ANO3: variants seen among roughly 807,000 people sequenced by gnomAD.
ANO3 encodes the protein anoctamin-3.
Under a neutral mutation model 144.8 loss-of-function variants are expected in ANO3, and 99 were observed. The ratio of observed to expected loss-of-function variants is 0.68; its 90% CI spans 0.58 to 0.81. ANO3 has a LOEUF of 0.81. Among genes scored for constraint, ANO3 ranks in the 30% least tolerant of loss-of-function variants. The probability of loss-of-function intolerance (pLI) is 0.00; values close to 1 mark genes in which losing one functional copy is unlikely to be tolerated. For synonymous variants in ANO3, 414 were observed against 392.6 expected, an observed-to-expected ratio of 1.05 and a Z score of -0.64; for missense variants, 905 against 1,202.2, an observed-to-expected ratio of 0.75 and a Z score of 3.66.
At chr11:26,497,725 G>T (rs1223818585) in intron 4 of ANO3, among the ~76,000 whole-genome samples, 1 of 152,016 alleles carries the variant, frequency 6.6e-6, no homozygotes, top group Non-Finnish European at 1.5e-5. Context: ...AAGGGAAAGT[G>T]TGGCATTTAT....
At position 26,537,438 on chromosome 11, in the gene ANO3, A is replaced by C; in HGVS notation, c.1009A>C (p.Ile337Leu). ...IRKLINNGSYIAAFPPHEGAY... is the reference protein window; with the variant it reads ...IRKLINNGSYLAAFPPHEGAY... Reference sequence around the variant, plus strand: ...TAAACTTATAAACAATGGCTCATACATAGCAGCGTTTCCACCACATGAGGT... The same window carrying C: ...TAAACTTATAAACAATGGCTCATACCTAGCAGCGTTTCCACCACATGAGGT... The change falls in exon 10 of 27, where the codon ATA (isoleucine) becomes CTA (leucine). Residue 337 changes from isoleucine (I) to leucine (L), a missense_variant. By Grantham distance (5) the Ile-to-Leu change is conservative (BLOSUM62 2). This residue lies in a region of ANO3 where 597 missense variants were observed against 865.1 expected (regional missense o/e 0.69). Transcript: ENST00000256737. The C allele has an allele frequency of 2.5e-6, 4 of 1,613,984 alleles. No homozygotes were observed. Among genetic ancestry groups the C allele is most frequent in the Non-Finnish European group, 3.4e-6 (4 of 1,179,804 alleles).
Position 26,355,562 on chromosome 11 carries a change from C to CT in ANO3, c.46+23244dup, listed in dbSNP as rs754279801. 3.8e-3 allele frequency among the ~76,000 whole-genome samples: 516 copies of CT among 135,410 alleles called. 3 individuals carry two copies. The highest frequency in any genetic ancestry group is 7.3e-3 in the Middle Eastern group (2 of 274). The allele number at this position is 135,410 out of a possible 152,430, so 88.8% of individuals were successfully genotyped here. On this transcript the variant is annotated intron_variant, in intron 1 of 26. Coordinates refer to ENST00000256737, the MANE Select transcript of ANO3 (RefSeq NM_031418.4). ...TATCCTGAAATTTCTTTCTTTCTTT[C>CT]TTTCTTTTTTTTTTGAGATGAAGTT...
intron 1 of ANO3, among the ~76,000 whole-genome samples, chr11:26,283,221 T>G (rs1296861385): frequency 6.7e-6 from 1 of 150,276 alleles, no homozygotes; most frequent in Non-Finnish European, 1.5e-5. Context: ...GCATGTCACA[T>G]TTTTTCGTGT....
chr11:26,632,686 G>A (rs1276444578), intron 18 of ANO3, among the ~76,000 whole-genome samples: 2 of 151,504 alleles, frequency 1.3e-5, no homozygotes, highest in Non-Finnish European at 2.9e-5. Flanking sequence ...TCAGGCACTT[G>A]ATACATTGAC....
At chr11:26,354,082 G>A (rs1185972060) in intron 1 of ANO3, among the ~76,000 whole-genome samples, 1 of 152,098 alleles carries the variant, frequency 6.6e-6, no homozygotes, top group Admixed American at 6.5e-5. Context: ...GGCCATAAAA[G>A]ATATTTTGCT....
At chr11:26,337,688 C>G (rs114051965) in intron 1 of ANO3, among the ~76,000 whole-genome samples, 1 of 152,042 alleles carries the variant, frequency 6.6e-6, no homozygotes, top group African/African-American at 2.4e-5. Flanking sequence ...AATTATGGCT[C>G]ACTTTGGGAG....
chr11:26,530,565 A>AAC, intron 7 of ANO3, among the ~76,000 whole-genome samples: 1 of 151,320 alleles, frequency 6.6e-6, no homozygotes, highest in East Asian at 1.9e-4. Flanking sequence ...TAAAAAAAAA[A>AAC]AAACTCTCTT....
intron 3 of ANO3, among the ~76,000 whole-genome samples, chr11:26,445,997 A>G (rs1323427432): frequency 6.6e-6 from 1 of 151,922 alleles, no homozygotes; most frequent in Admixed American, 6.6e-5. Context: ...ACACCCAGCT[A>G]ATTTTTGTAT....
chr11:26,566,262 A>T (rs902126440), intron 14 of ANO3, among the ~76,000 whole-genome samples: 16 of 152,022 alleles, frequency 1.1e-4, no homozygotes, highest in East Asian at 1.9e-4. Flanking sequence ...ATAACATTTT[A>T]AAAATATTGT....
At position 26,359,353 on chromosome 11, in the gene ANO3, T is replaced by C. The variant is rs543364375; in HGVS notation, c.46+27032T>C. Reference sequence around the variant, plus strand: ...CTCATGAATCTTCAGTGCTCCTAGTTTGCCTAATTGGAAAAGGCAGTATTC... The same window carrying C: ...CTCATGAATCTTCAGTGCTCCTAGTCTGCCTAATTGGAAAAGGCAGTATTC... On this transcript the variant is annotated intron_variant, in intron 1 of 26. Coordinates refer to ENST00000256737, the MANE Select transcript of ANO3 (RefSeq NM_031418.4). 1.1e-4 allele frequency among the ~76,000 whole-genome samples: 16 copies of C among 152,278 alleles called. 1 individual carries two copies. In the South Asian group the frequency reaches 3.3e-3, roughly 32 times the overall value.
intron 8 of ANO3, 119 bp downstream of exon 8, chr11:26,531,455 TG>T (rs1037023538): frequency 8.6e-7 from 1 of 1,163,248 alleles, no homozygotes; most frequent in African/African-American, 1.6e-5. Flanking sequence ...AACTTATCAT[TG>T]TATTAAAATA....
chr11:26,457,006 A>G (rs1281564062), intron 3 of ANO3, among the ~76,000 whole-genome samples: 4 of 149,274 alleles, frequency 2.7e-5, no homozygotes, highest in Non-Finnish European at 5.9e-5. Context: ...ATTCTCACTC[A>G]TAGGTGGGAA....
chr11:26,426,121 G>T (rs1456520199), intron 1 of ANO3, among the ~76,000 whole-genome samples: 64 of 151,992 alleles, frequency 4.2e-4, no homozygotes, highest in Non-Finnish European at 1.3e-4. Context: ...GTCTGTAAAT[G>T]GGTGCACTCA....
At chr11:26,547,645 G>A in intron 12 of ANO3, 95 bp downstream of exon 12, 1 of 1,166,406 alleles carries the variant, frequency 8.6e-7, no homozygotes, top group Non-Finnish European at 1.2e-6. Context: ...TCAAATGGTT[G>A]ATGATACTAC....
At chr11:26,243,994 G>A (rs943317144) in intron 1 of ANO3, among the ~76,000 whole-genome samples, 4 of 151,786 alleles carry the variant, frequency 2.6e-5, no homozygotes, top group African/African-American at 9.7e-5. Context: ...GGAGGTGTCT[G>A]TAGTCCCAGC....
At chr11:26,480,803 G>T (rs1201161602) in intron 4 of ANO3, among the ~76,000 whole-genome samples, 3 of 150,064 alleles carry the variant, frequency 2.0e-5, no homozygotes, top group Non-Finnish European at 4.5e-5. Context: ...GTGAGACCCT[G>T]TCTCAAAAAC....
chr11:26,293,926 G>T (rs550591934), intron 1 of ANO3, among the ~76,000 whole-genome samples: 1 of 152,238 alleles, frequency 6.6e-6, no homozygotes, highest in African/African-American at 2.4e-5. Context: ...TTGTAACTAG[G>T]ATTTGGGTGT....
chr11:26,348,344 C>T (rs969349438), intron 1 of ANO3, among the ~76,000 whole-genome samples: 3 of 152,076 alleles, frequency 2.0e-5, no homozygotes, highest in Non-Finnish European at 2.9e-5. Flanking sequence ...TACATTAAAC[C>T]TCTAATACCA....
chr11:26,259,629 A>T (rs536170032), intron 1 of ANO3, among the ~76,000 whole-genome samples: 4 of 151,884 alleles, frequency 2.6e-5, no homozygotes, highest in Non-Finnish European at 4.4e-5. Flanking sequence ...AGATCATGCC[A>T]CTGCACTCCA....
Sources: gnomAD v4.1 joint callset for allele counts (sites outside exome capture counted in the v4.1 genomes callset) on GRCh38, gnomAD v4.1.1 for gene constraint, gnomAD v4.1.1 regional missense constraint, MANE v1.5 for transcripts, NCBI Gene and HGNC (gene_info 2026-07-23, HGNC 2026-07-21) for gene names.